The following SPTBN1 variants were observed in gnomAD, a reference collection of about 807,000 sequenced individuals.
SPTBN1 encodes the protein spectrin beta, non-erythrocytic 1, also known as spectrin beta chain, non-erythrocytic 1.
A neutral mutation model predicts 266.4 loss-of-function variants in SPTBN1; 32 were observed. That is an observed-to-expected ratio of 0.12 (90% CI 0.09 to 0.16). SPTBN1 has a LOEUF of 0.16. Among genes scored for constraint, SPTBN1 ranks in the 10% least tolerant of loss-of-function variants. SPTBN1 has a pLI of 1.00. For missense variants in SPTBN1, 2,296 were observed against 3,067.1 expected (o/e 0.75, Z 5.94); for synonymous variants, 1,336 against 1,162.2 (o/e 1.15, Z -3.04).
rs1030352398 is a variant in SPTBN1 at position 54,622,698 on chromosome 2, A to G, written c.1064+211A>G. Among the ~76,000 whole-genome samples the G allele has an allele frequency of 4.6e-5, 7 of 152,362 alleles. 2 individuals are homozygous for G. Among genetic ancestry groups the G allele is most frequent in the Admixed American group, 4.6e-4 (7 of 15,304 alleles). On this transcript the variant is annotated intron_variant, in intron 9 of 35. Coordinates refer to ENST00000356805, the MANE Select transcript of SPTBN1 (RefSeq NM_003128.3). ...TTCCCAATATAAATGTGCCACTGAC[A>G]TACAGGATATATGAGAATTCCAAGA...
intron 3 of SPTBN1, among the ~76,000 whole-genome samples, chr2:54,611,871 G>A (rs1677239869): frequency 6.6e-6 from 1 of 152,072 alleles, no homozygotes; most frequent in Non-Finnish European, 1.5e-5. Context: ...AATTCTCCAT[G>A]AAAATTGGAT....
At chr2:54,598,691 G>A (rs1676265593) in intron 2 of SPTBN1, among the ~76,000 whole-genome samples, 1 of 152,110 alleles carries the variant, frequency 6.6e-6, no homozygotes. Context: ...CAAGTATTAT[G>A]GTATAGGGCA....
chr2:54,558,428 G>T lies in SPTBN1; in HGVS notation c.148+31862G>T, dbSNP rs1241652074. On this transcript the variant is annotated intron_variant, in intron 2 of 35. Transcript: ENST00000356805. This position sits in a 1 kb window ranked among gnomAD's most constrained non-coding sequence, Gnocchi z 4.6. ...GCTGCGCCCGCGAGCTCCCGGGCTC[G>T]GCAACCGTGGCATGCTTAGGATTGG... 6.9e-6 allele frequency: 7 copies of T among 1,020,428 alleles called. No individual in the cohort carries two copies. Among genetic ancestry groups the T allele is most frequent in the Non-Finnish European group, 8.2e-6 (7 of 853,182 alleles). 63.2% of individuals were successfully genotyped at this position (1,020,428 alleles called of 1,614,324 possible).
chr2:54,580,789 TAATAAAAATTATA>T (rs1219844835), intron 2 of SPTBN1, among the ~76,000 whole-genome samples: 4 of 152,082 alleles, frequency 2.6e-5, no homozygotes, highest in South Asian at 2.1e-4. Context: ...CTTTATTTTT[TAATAAAAATTATA>T]AATAAAAATT....
At chr2:54,526,277 CTG>C (rs1298782868) in intron 1 of SPTBN1, 93 bp from the exon 2 acceptor site, 35 of 995,152 alleles carry the variant, frequency 3.5e-5, no homozygotes, top group African/African-American at 4.9e-5. Flanking sequence ...TTGGCAAGCA[CTG>C]TTTTTATTTT....
chr2:54,598,714 AC>A (rs1304502914), intron 2 of SPTBN1, among the ~76,000 whole-genome samples: 1 of 152,112 alleles, frequency 6.6e-6, no homozygotes, highest in African/African-American at 2.4e-5. Flanking sequence ...ACTGCAAAGG[AC>A]CCTGTTGTCA....
Position 54,496,061 on chromosome 2 carries a change from TA to T in SPTBN1, c.-47-30310del, listed in dbSNP as rs562349195. On this transcript the variant is annotated intron_variant, in intron 1 of 35. Transcript: ENST00000356805. Reference sequence around the variant, plus strand: ...CCAGTGATAATTATTTCATCTGTGCTATTCCCAAAAAGTAACCATCTATGGG... The same window carrying T: ...CCAGTGATAATTATTTCATCTGTGCTTTCCCAAAAAGTAACCATCTATGGG... Among the ~76,000 whole-genome samples, 15 of 152,242 alleles carry T rather than the reference TA, an allele frequency of 9.9e-5. 1 individual carries two copies. In the South Asian group the frequency reaches 3.1e-3, roughly 32 times the overall value.
intron 2 of SPTBN1, among the ~76,000 whole-genome samples, chr2:54,572,594 G>A (rs908853601): frequency 6.6e-6 from 1 of 152,124 alleles, no homozygotes; most frequent in South Asian, 2.1e-4. Flanking sequence ...AACTGCTTTT[G>A]GCCCATGAAC....
chr2:54,527,370 C>T (rs1670882676), intron 2 of SPTBN1: 1 of 152,156 alleles, frequency 6.6e-6, no homozygotes, highest in Non-Finnish European at 1.5e-5. Flanking sequence ...AAATCAAAGT[C>T]ATGACTTGAG....
intron 1 of SPTBN1, among the ~76,000 whole-genome samples, chr2:54,483,468 A>G (rs955759210): frequency 1.3e-5 from 2 of 152,032 alleles, no homozygotes; most frequent in Non-Finnish European, 2.9e-5. Context: ...CTTTTTGGAG[A>G]TTGTTCCTCC....
At chr2:54,569,503 C>G (rs758186222) in intron 2 of SPTBN1, among the ~76,000 whole-genome samples, 1 of 152,218 alleles carries the variant, frequency 6.6e-6, no homozygotes, top group Non-Finnish European at 1.5e-5. Context: ...TAAGCACACA[C>G]ATATACACAC....
chr2:54,624,102 G>A (rs1004773177), intron 10 of SPTBN1, among the ~76,000 whole-genome samples: 1 of 152,052 alleles, frequency 6.6e-6, no homozygotes, highest in Admixed American at 6.5e-5. Context: ...CTAGAACTTT[G>A]GTCACTTGTA....
chr2:54,505,438 C>T (rs1669502259), intron 1 of SPTBN1, among the ~76,000 whole-genome samples: 1 of 152,144 alleles, frequency 6.6e-6, no homozygotes. Context: ...AATCGAATAC[C>T]TCTCTGCTCT....
intron 7 of SPTBN1, among the ~76,000 whole-genome samples, chr2:54,620,015 T>C (rs1677888613): frequency 6.6e-6 from 1 of 152,266 alleles, no homozygotes; most frequent in Non-Finnish European, 1.5e-5. Flanking sequence ...CTTTGTGTTC[T>C]CTTCACAACC....
intron 3 of SPTBN1, among the ~76,000 whole-genome samples, chr2:54,606,864 A>G (rs1248494679): frequency 6.6e-6 from 1 of 152,214 alleles, no homozygotes; most frequent in Non-Finnish European, 1.5e-5. Flanking sequence ...GAGAGAGAGC[A>G]CCAGTGTTAC....
At chr2:54,563,824 G>A (rs532007417) in intron 2 of SPTBN1, among the ~76,000 whole-genome samples, 3 of 151,978 alleles carry the variant, frequency 2.0e-5, no homozygotes, top group South Asian at 4.2e-4. Context: ...GGCTGGTCTC[G>A]AACTCCTGAC....
intron 2 of SPTBN1, among the ~76,000 whole-genome samples, chr2:54,530,376 T>TTTTTTTTA (rs1491196594): frequency 3.0e-5 from 4 of 131,750 alleles, no homozygotes; most frequent in Non-Finnish European, 6.1e-5. Flanking sequence ...TTTTTTTTTT[T>TTTTTTTTA]GAGACGGAGT....
chr2:54,459,085 T>A (rs990657837), intron 1 of SPTBN1, among the ~76,000 whole-genome samples: 3 of 152,230 alleles, frequency 2.0e-5, no homozygotes, highest in Admixed American at 2.0e-4. Flanking sequence ...TTTACTTTGT[T>A]GTAAGAAATA....
chr2:54,465,637 C>CATGTATATA (rs1433073794), intron 1 of SPTBN1, among the ~76,000 whole-genome samples: 1 of 89,724 alleles, frequency 1.1e-5, no homozygotes, highest in Non-Finnish European at 2.2e-5. Context: ...TCATGTTTAT[C>CATGTATATA]TCATATATAT....
Sources: allele counts gnomAD v4.1 joint callset (sites outside exome capture counted in the v4.1 genomes callset), GRCh38; gene constraint gnomAD v4.1.1; non-coding constraint Gnocchi (gnomAD v3.1); transcripts MANE v1.5; gene names NCBI Gene and HGNC (gene_info 2026-07-23, HGNC 2026-07-21).